Variants in MROH7 observed in about 807,000 individuals in gnomAD.
MROH7 encodes maestro heat-like repeat-containing protein family member 7.
A neutral mutation model predicts 129.2 loss-of-function variants in MROH7; 113 were observed. That is an observed-to-expected ratio of 0.87 (90% CI 0.75 to 1.02). The LOEUF (loss-of-function observed/expected upper bound fraction) is 1.02, where lower values mean the gene tolerates loss of function less well. Among genes scored for constraint, MROH7 ranks in the 50% least tolerant of loss-of-function variants. MROH7 has a pLI of 0.00. For synonymous variants in MROH7, 655 were observed against 667.9 expected (o/e 0.98, Z 0.30); for missense variants, 1,601 against 1,671.3 (o/e 0.96, Z 0.73).
chr1:54,673,962 G>A (rs1644943008), intron 9 of MROH7, 54 bp from the exon 10 acceptor site: 14 of 1,595,426 alleles, frequency 8.8e-6, no homozygotes, highest in African/African-American at 2.7e-5. Flanking sequence ...ACCATTTAAT[G>A]TATAGCATTA....
At chr1:54,670,685 C>A (rs1644885038) in intron 6 of MROH7, 109 bp downstream of exon 6, 3 of 1,351,640 alleles carry the variant, frequency 2.2e-6, no homozygotes, top group African/African-American at 3.0e-5. Flanking sequence ...CCACCCCTCG[C>A]CCGGTGCCTT....
intron 8 of MROH7, 108 bp downstream of exon 8, chr1:54,673,294 A>C: frequency 3.7e-6 from 3 of 802,730 alleles, no homozygotes; most frequent in Non-Finnish European, 6.2e-6. Context: ...TGGCTTCAGG[A>C]TGTCATCTTG....
intron 17 of MROH7, chr1:54,695,840 A>G (rs2101188250): frequency 2.8e-6 from 1 of 353,128 alleles, no homozygotes; most frequent in African/African-American, 2.1e-5. Context: ...CCCAGTTATA[A>G]CAGGGGGTGA....
rs1203003121 is a variant in MROH7, at chr1:54,653,230, G to A, written c.304G>A (p.Gly102Ser). The A allele has an allele frequency of 6.2e-7, 1 of 1,614,186 alleles. No homozygotes were observed. Among genetic ancestry groups the A allele is most frequent in the East Asian group, 2.2e-5 (1 of 44,880 alleles). Residue 102 changes from glycine to serine, a missense_variant, in exon 3 of 24, where the codon GGT becomes AGT. Coordinates refer to ENST00000421030, the MANE Select transcript of MROH7 (RefSeq NM_001039464.4). ...ASLQITSSCS[G>S]EALDLDSKDV... ...CCTCCAGATCACCAGTTCTTGTTCT[G>A]GTGAAGCCCTGGACCTGGATTCCAA...
intron 10 of MROH7, among the ~76,000 whole-genome samples, chr1:54,678,354 A>T (rs973308536): frequency 2.6e-5 from 4 of 152,264 alleles, no homozygotes; most frequent in African/African-American, 9.6e-5. Flanking sequence ...GAAATTATAC[A>T]GCACTGAGAA....
chr1:54,691,714 G>A (rs1222768736), intron 15 of MROH7, among the ~76,000 whole-genome samples: 1 of 150,960 alleles, frequency 6.6e-6, no homozygotes, highest in Non-Finnish European at 1.5e-5. Flanking sequence ...GCTGAGGCAC[G>A]AGAATTGCTT....
At chr1:54,660,429 C>T (rs1236594209) in intron 3 of MROH7, among the ~76,000 whole-genome samples, 1 of 152,206 alleles carries the variant, frequency 6.6e-6, no homozygotes, top group Non-Finnish European at 1.5e-5. Flanking sequence ...ATTCAAACCA[C>T]AGCAATGACT....
chr1:54,646,816 C>T (rs1644474203), intron 1 of MROH7, among the ~76,000 whole-genome samples: 1 of 152,202 alleles, frequency 6.6e-6, no homozygotes, highest in Non-Finnish European at 1.5e-5. Context: ...CCCCTGGCAA[C>T]CTCTCTCTGT....
chr1:54,654,566 G>A (rs796870330), intron 3 of MROH7, among the ~76,000 whole-genome samples: 2 of 152,084 alleles, frequency 1.3e-5, no homozygotes, highest in South Asian at 2.1e-4. Context: ...CCAGCTACTC[G>A]GGAGGCTGAG....
chr1:54,699,208 TCCCTC>T (rs1645391211), intron 17 of MROH7: 2 of 138,416 alleles, frequency 1.4e-5, no homozygotes, highest in East Asian at 4.0e-4. Context: ...TTTCTTTCTC[TCCCTC>T]TCTTTCTTTC....
chr1:54,647,917 A>C (rs1644493027), intron 1 of MROH7, among the ~76,000 whole-genome samples: 1 of 151,850 alleles, frequency 6.6e-6, no homozygotes, highest in Non-Finnish European at 1.5e-5. Flanking sequence ...AAAAAAAAAA[A>C]AAAAAAAAAA....
At chr1:54,709,165 T>G in intron 23 of MROH7, 89 bp downstream of exon 23, 1 of 1,259,024 alleles carries the variant, frequency 7.9e-7, no homozygotes, top group Non-Finnish European at 1.2e-6. Flanking sequence ...GGAAGGGATG[T>G]GTCCCAAGAC....
At chr1:54,707,283 G>A (rs890580027) in intron 22 of MROH7, among the ~76,000 whole-genome samples, 1 of 152,162 alleles carries the variant, frequency 6.6e-6, no homozygotes, top group Admixed American at 6.5e-5. Flanking sequence ...CAAGGGCCAG[G>A]AGACCTTGTT....
Position 54,709,056 on chromosome 1 carries a change from G to T in MROH7, c.3710G>T (p.Arg1237Leu), listed in dbSNP as rs200631122. Residue 1237 changes from arginine (R) to leucine (L), a missense_variant, in exon 23 of 24, where the codon CGT (arginine) becomes CTT (leucine). Arg to Leu is a moderately radical substitution (Grantham distance 102). Coordinates refer to ENST00000421030, the MANE Select transcript of MROH7 (RefSeq NM_001039464.4). ...PCMESIMTED[R>L]LNEVKAALDN... is the part of the protein sequence containing the mutation. ...ATGGAGAGCATAATGACAGAAGATC[G>T]TCTGAATGAAGTGAAAGCTGGTAAG... The T allele has an allele frequency of 2.5e-6, 4 of 1,614,194 alleles. No individual in the cohort carries two copies. Among genetic ancestry groups the T allele is most frequent in the Non-Finnish European group, 3.4e-6 (4 of 1,180,016 alleles).
chr1:54,692,586 T>C, intron 16 of MROH7, 25 bp downstream of exon 16: 1 of 1,607,120 alleles, frequency 6.2e-7, no homozygotes, highest in Non-Finnish European at 8.5e-7. Context: ...CACCTTGGGG[T>C]TGGGGTGGGA....
At position 54,678,701 on chromosome 1, in the gene MROH7, T is replaced by A. The variant is rs778921870; in HGVS notation, c.1937-41T>A. On this transcript the variant is annotated intron_variant, in intron 10 of 23. Coordinates refer to ENST00000421030, the MANE Select transcript of MROH7 (RefSeq NM_001039464.4). ...TTCCTACATGTATGTTTAACAAAAA[T>A]AGGGAGATCCGGCCTCACTGAGAAG... 3 of 1,430,566 alleles carry A rather than the reference T, an allele frequency of 2.1e-6. No homozygotes were observed. In the South Asian group the frequency reaches 3.4e-5, roughly 16 times the overall value. 88.6% of individuals were successfully genotyped at this position (1,430,566 alleles called of 1,614,324 possible).
At chr1:54,704,507 G>C (rs560467419) in intron 21 of MROH7, among the ~76,000 whole-genome samples, 3 of 145,524 alleles carry the variant, frequency 2.1e-5, no homozygotes, top group South Asian at 4.3e-4. Flanking sequence ...GTGCGATCTC[G>C]GCTCACTGCA....
At chr1:54,672,069 C>T (rs1428796435) in intron 7 of MROH7, among the ~76,000 whole-genome samples, 1 of 151,998 alleles carries the variant, frequency 6.6e-6, no homozygotes, top group East Asian at 1.9e-4. Flanking sequence ...GTGACTGGAG[C>T]CCAGAGGGTG....
intron 1 of MROH7, among the ~76,000 whole-genome samples, chr1:54,648,187 G>A (rs1644498375): frequency 6.6e-6 from 1 of 151,574 alleles, no homozygotes; most frequent in Non-Finnish European, 1.5e-5. Flanking sequence ...CCCTGCTGAA[G>A]ACACTATTCT....
Sources: gnomAD v4.1 joint callset for allele counts (sites outside exome capture counted in the v4.1 genomes callset) on GRCh38, gnomAD v4.1.1 for gene constraint, MANE v1.5 for transcripts, NCBI Gene and HGNC (gene_info 2026-07-23, HGNC 2026-07-21) for gene names.